Variants in XRN1 observed in about 807,000 individuals in gnomAD.
XRN1 encodes the protein 5'-3' exoribonuclease 1.
XRN1 carries 67 observed loss-of-function variants against 222.3 expected under a neutral mutation model. The ratio of observed to expected loss-of-function variants is 0.30; its 90% CI spans 0.25 to 0.37. XRN1 has a LOEUF of 0.37. Among genes scored for constraint, XRN1 ranks in the 10% least tolerant of loss-of-function variants. The pLI, the probability that XRN1 is intolerant of heterozygous loss-of-function variation, is 1.00. For synonymous variants in XRN1, 643 were observed against 652.4 expected, an observed-to-expected ratio of 0.99 and a Z score of 0.22; for missense variants, 1,707 against 2,000.2, an observed-to-expected ratio of 0.85 and a Z score of 2.80.
chr3:142,313,853 T>C lies in XRN1; in HGVS notation c.4622-1095A>G, dbSNP rs181085303. ...TACTCAGGAGGCTAATGTGTGAGGATTGCTTGAGCCTGGGAGGTGGAGGTT... is the reference window on the plus strand; with the variant it reads ...TACTCAGGAGGCTAATGTGTGAGGACTGCTTGAGCCTGGGAGGTGGAGGTT... On this transcript the variant is annotated intron_variant, in intron 39 of 40. Transcript: ENST00000392981. Among the ~76,000 whole-genome samples the C allele has an allele frequency of 1.2e-3, 178 of 152,270 alleles. 1 individual carries two copies. The highest frequency in any genetic ancestry group is 4.5e-3 in the Admixed American group (69 of 15,296).
intron 23 of XRN1, 39 bp from the exon 24 acceptor site, chr3:142,376,633 C>A (rs749259674): frequency 8.0e-6 from 11 of 1,372,280 alleles, no homozygotes; most frequent in East Asian, 4.9e-5. Context: ...TATGGAAACA[C>A]AAGTTTACAT....
intron 29 of XRN1, among the ~76,000 whole-genome samples, chr3:142,363,207 T>C (rs985441641): frequency 6.6e-6 from 1 of 152,182 alleles, no homozygotes; most frequent in Non-Finnish European, 1.5e-5. Context: ...TTGAGCTAAT[T>C]TCTATAGAAG....
intron 40 of XRN1, 81 bp downstream of exon 40, chr3:142,312,517 A>C: frequency 7.2e-7 from 1 of 1,384,834 alleles, no homozygotes; most frequent in Non-Finnish European, 9.5e-7. Flanking sequence ...GCACTGAATA[A>C]GTAAACTGAA....
At chr3:142,403,640 C>A (rs369016265) in intron 18 of XRN1, 34 bp downstream of exon 18, 2 of 1,566,976 alleles carry the variant, frequency 1.3e-6, no homozygotes, top group Non-Finnish European at 1.8e-6. Context: ...ACATTATAGG[C>A]ATCTAATAAA....
intron 1 of XRN1, among the ~76,000 whole-genome samples, chr3:142,444,231 G>A (rs1281126247): frequency 6.6e-6 from 1 of 152,198 alleles, no homozygotes; most frequent in Non-Finnish European, 1.5e-5. Context: ...GATCACTTGA[G>A]CCCAGTAGTT....
chr3:142,383,411 G>T lies in XRN1; in HGVS notation c.2505C>A (p.Asp835Glu). The T allele has an allele frequency of 1.2e-6, 2 of 1,606,356 alleles. No homozygotes were observed. The highest frequency in any genetic ancestry group is 1.7e-6 in the Non-Finnish European group (2 of 1,176,692). Reference sequence around the variant, plus strand: ...AGAAACGGGAGTCGAAAGCTCGGATGTCCTACATAAAATAAAAGTAAATAA... The same window carrying T: ...AGAAACGGGAGTCGAAAGCTCGGATTTCCTACATAAAATAAAAGTAAATAA... Reference protein sequence around the residue: ...VPFVYQTIVKDIRAFDSRFSN... With the variant: ...VPFVYQTIVKEIRAFDSRFSN... The change falls in exon 22 of 41, where the codon GAC becomes GAA. Residue 835 changes from aspartate to glutamate, a missense_variant and splice_region_variant. Transcript: ENST00000392981.
In XRN1 at chr3:142,383,333, C is replaced by T. The variant is rs760369930; in HGVS notation, c.2583G>A (p.Met861Ile). ...TGCAGCCATAATAGGGAGTTCCCAG[C>T]ATAAAGACCATACTTCTCAGAGGAA... is the stretch of plus-strand genomic sequence containing the variant. Reference protein sequence around the residue: ...DLFPLRSMVFMLGTPYYGCTG... With the variant: ...DLFPLRSMVFILGTPYYGCTG... Residue 861 changes from methionine (M) to isoleucine (I), a missense_variant, in exon 22 of 41, where the codon ATG becomes ATA. Transcript: ENST00000392981. 5.6e-6 allele frequency: 9 copies of T among 1,613,868 alleles called. No homozygotes were observed. The highest frequency in any genetic ancestry group is 6.8e-6 in the Non-Finnish European group (8 of 1,179,914).
intron 23 of XRN1, among the ~76,000 whole-genome samples, chr3:142,379,567 T>C (rs2067240949): frequency 6.6e-6 from 1 of 152,202 alleles, no homozygotes; most frequent in African/African-American, 2.4e-5. Flanking sequence ...GAACCTTCCC[T>C]CTATTTTAAC....
At position 142,332,434 on chromosome 3, in the gene XRN1, G is replaced by C. The variant is rs752898282; in HGVS notation, c.4163C>G (p.Ser1388Cys). The change falls in exon 36 of 41, where the codon TCC (serine) becomes TGC (cysteine). Residue 1388 changes from serine to cysteine, a missense_variant. Ser to Cys is a moderately radical substitution (Grantham distance 112, BLOSUM62 -1). Coordinates refer to ENST00000392981, the MANE Select transcript of XRN1 (RefSeq NM_001282857.2). ...TCCATATTCATCTCTTCTGTTAGAG[G>C]AAACAGGGATTTCATTAGCAATCTG... ...IKQIANEIPVSSNRRDEYGLP... is the reference protein window; with the variant it reads ...IKQIANEIPVCSNRRDEYGLP... The C allele has an allele frequency of 1.2e-5, 20 of 1,613,050 alleles. No individual in the cohort carries two copies. Among genetic ancestry groups the C allele is most frequent in the Non-Finnish European group, 1.4e-5 (16 of 1,179,340 alleles).
intron 20 of XRN1, among the ~76,000 whole-genome samples, chr3:142,391,750 ATATAT>A (rs145467148): frequency 0.21 from 13,463 of 63,986 alleles, 735 homozygotes; most frequent in Non-Finnish European, 0.29. Flanking sequence ...AAAAAAAAAA[ATATAT>A]ATATATATAT....
At chr3:142,367,601 A>G (rs2066859065) in intron 27 of XRN1, among the ~76,000 whole-genome samples, 1 of 151,970 alleles carries the variant, frequency 6.6e-6, no homozygotes, top group Non-Finnish European at 1.5e-5. Flanking sequence ...GCCAGAGTGC[A>G]GTAACGTGAT....
In XRN1 at chr3:142,421,054, C is replaced by T; in HGVS notation, c.1135G>A (p.Glu379Lys). ...YLNEAAGVAAEEARNYKEKKK... is the reference protein window; with the variant it reads ...YLNEAAGVAAKEARNYKEKKK... The stretch of plus-strand genomic sequence containing the variant: ...TTTTCCTTGTAGTTCCTGGCTTCTT[C>T]TGCTGCGACACCTGCTGCTTCATTG... The change falls in exon 10 of 41, where the codon GAA (glutamate) becomes AAA (lysine). Residue 379 changes from glutamate to lysine, a missense_variant. Physicochemically the swap from Glu to Lys is moderately conservative, Grantham distance 56 (BLOSUM62 1). Transcript: ENST00000392981. 1.2e-6 allele frequency: 2 copies of T among 1,614,062 alleles called. No individual in the cohort carries two copies. The highest frequency in any genetic ancestry group is 1.7e-6 in the Non-Finnish European group (2 of 1,179,982).
intron 25 of XRN1, among the ~76,000 whole-genome samples, chr3:142,373,444 T>C (rs1293261750): frequency 1.3e-5 from 2 of 151,556 alleles, no homozygotes; most frequent in Admixed American, 1.3e-4. Context: ...AAAGAAATAA[T>C]ACAAGAAAGT....
In XRN1 at chr3:142,432,723, A is replaced by G. The variant is rs374946868; in HGVS notation, c.246T>C (p.Phe82=). Residue 82 remains phenylalanine (F), a synonymous_variant, in exon 2 of 41, where the codon TTT becomes TTC. Transcript: ENST00000392981. The part of the protein sequence containing the change: ...FRIIKPRKVF[F]MAVDGVAPRA... ...GAGGAGCCACACCATCTACAGCCAT[A>G]AAGAACACTTTCCTGGGTTTAATAA... The G allele has an allele frequency of 9.0e-5, 146 of 1,613,388 alleles. 1 individual carries two copies. In the South Asian group the frequency reaches 1.2e-3, roughly 13 times the overall value.
At chr3:142,414,872 G>A (rs1176475769) in intron 13 of XRN1, among the ~76,000 whole-genome samples, 2 of 152,184 alleles carry the variant, frequency 1.3e-5, no homozygotes, top group African/African-American at 4.8e-5. Context: ...CACGTATAAT[G>A]TAATGCTTTT....
intron 20 of XRN1, among the ~76,000 whole-genome samples, chr3:142,385,571 C>T (rs1179417216): frequency 6.6e-6 from 1 of 152,128 alleles, no homozygotes; most frequent in Non-Finnish European, 1.5e-5. Flanking sequence ...TGCTTTTGCG[C>T]TACATGGTAA....
In XRN1 at chr3:142,357,118, A is replaced by C. The variant is rs757605438; in HGVS notation, c.3466T>G (p.Cys1156Gly). 21 of 1,604,832 alleles carry C rather than the reference A, an allele frequency of 1.3e-5. No homozygotes were observed. In the Admixed American group the frequency reaches 1.4e-4, roughly 10 times the overall value. ...EEFPGGLTIR[C>G]SPGRGYRLPT... The stretch of plus-strand genomic sequence containing the variant: ...AGTCGATAACCTCTACCAGGTGAGC[A>C]TCTAAAAGTAAAAGTTATATCAGGG... The change falls in exon 31 of 41, where the codon TGC becomes GGC. Residue 1156 changes from cysteine (C) to glycine (G), a missense_variant and splice_region_variant. Cys to Gly is a radical substitution (Grantham distance 159). This residue lies in a region of XRN1 where 1,234 missense variants were observed against 1,518.2 expected (regional missense o/e 0.81). Transcript: ENST00000392981.
intron 20 of XRN1, among the ~76,000 whole-genome samples, chr3:142,389,085 T>G (rs1318293021): frequency 6.6e-6 from 1 of 152,116 alleles, no homozygotes; most frequent in East Asian, 1.9e-4. Flanking sequence ...ATGGTGGCGC[T>G]TGCCTGAATC....
chr3:142,402,326 G>A (rs537817961), intron 18 of XRN1, among the ~76,000 whole-genome samples: 2 of 152,056 alleles, frequency 1.3e-5, no homozygotes, highest in African/African-American at 4.8e-5. Context: ...GGGATTACAG[G>A]CACCCACCAC....
Sources: allele counts gnomAD v4.1 joint callset (sites outside exome capture counted in the v4.1 genomes callset), GRCh38; gene constraint gnomAD v4.1.1; regional missense constraint gnomAD v4.1.1; transcripts MANE v1.5; gene names NCBI Gene and HGNC (gene_info 2026-07-23, HGNC 2026-07-21).